ADCY2: variants seen among roughly 807,000 people sequenced by gnomAD.
The protein encoded by ADCY2 is adenylate cyclase type 2.
In ADCY2, 31 loss-of-function variants were observed where a neutral mutation model predicts 125.2. The observed-to-expected ratio is 0.25, with a 90% confidence interval of 0.19 to 0.33. The LOEUF (loss-of-function observed/expected upper bound fraction) is 0.33. ADCY2 is among the 10% of genes least tolerant of loss of function. The pLI is 1.00. For synonymous variants in ADCY2, 512 were observed against 548.4 expected (o/e 0.93, Z 0.93); for missense variants, 904 against 1,418.2 (o/e 0.64, Z 5.82).
chr5:7,763,098 A>AT (rs529281644), intron 16 of ADCY2, among the ~76,000 whole-genome samples: 1,894 of 143,188 alleles, frequency 0.013, 42 homozygotes, highest in African/African-American at 0.044. Context: ...TTTCTAATGT[A>AT]TTTTTTTTTT....
At chr5:7,708,053 C>A in intron 9 of ADCY2, 1 of 504,094 alleles carries the variant, frequency 2.0e-6, no homozygotes, top group Non-Finnish European at 3.4e-6. Flanking sequence ...TGCTTTTCTG[C>A]AGGGGTGTTG....
At chr5:7,586,879 T>A (rs557973131) in intron 3 of ADCY2, among the ~76,000 whole-genome samples, 1 of 152,324 alleles carries the variant, frequency 6.6e-6, no homozygotes, top group South Asian at 2.1e-4. Context: ...CACATCTTCG[T>A]CTATCTATCC....
chr5:7,402,398 T>C (rs894747270), intron 1 of ADCY2, among the ~76,000 whole-genome samples: 2 of 152,336 alleles, frequency 1.3e-5, no homozygotes, highest in African/African-American at 2.4e-5. Flanking sequence ...GAGAAGACTT[T>C]GTTTGTTCAA....
intron 4 of ADCY2, among the ~76,000 whole-genome samples, chr5:7,670,411 TA>T (rs1170523690): frequency 1.3e-5 from 2 of 152,362 alleles, no homozygotes; most frequent in African/African-American, 4.8e-5. Context: ...TTTGATCATT[TA>T]AAAAATGGTT....
intron 3 of ADCY2, among the ~76,000 whole-genome samples, chr5:7,618,933 T>C (rs1213900051): frequency 1.3e-5 from 2 of 152,188 alleles, no homozygotes; most frequent in Non-Finnish European, 2.9e-5. Flanking sequence ...CACTTAAAAA[T>C]GTGTCCTCCT....
At chr5:7,449,232 C>A (rs978863058) in intron 2 of ADCY2, among the ~76,000 whole-genome samples, 5 of 152,130 alleles carry the variant, frequency 3.3e-5, no homozygotes, top group Admixed American at 3.3e-4. Flanking sequence ...TGACTGCTAT[C>A]TTCTCAAGTT....
chr5:7,643,420 T>G (rs911443507), intron 4 of ADCY2, among the ~76,000 whole-genome samples: 1 of 152,102 alleles, frequency 6.6e-6, no homozygotes, highest in African/African-American at 2.4e-5. Flanking sequence ...CAAACTACAC[T>G]TTTTTGTTTT....
At chr5:7,711,512 G>C (rs765112712) in intron 10 of ADCY2, among the ~76,000 whole-genome samples, 1 of 152,046 alleles carries the variant, frequency 6.6e-6, no homozygotes, top group South Asian at 2.1e-4. Flanking sequence ...GTGTTCCTGT[G>C]GGGAAAAGGC....
intron 4 of ADCY2, among the ~76,000 whole-genome samples, chr5:7,671,473 T>G (rs1356350019): frequency 6.6e-6 from 1 of 152,134 alleles, no homozygotes; most frequent in Non-Finnish European, 1.5e-5. Context: ...CGGAGGAGGA[T>G]TTATGTTTAG....
intron 3 of ADCY2, among the ~76,000 whole-genome samples, chr5:7,561,566 T>A (rs922087721): frequency 1.1e-4 from 15 of 134,408 alleles, no homozygotes; most frequent in Middle Eastern, 3.2e-3. Context: ...AAATGTGAAC[T>A]TTTAGAATGT....
At chr5:7,538,845 T>TTTTTC (rs201341482) in intron 3 of ADCY2, among the ~76,000 whole-genome samples, 5 of 142,792 alleles carry the variant, frequency 3.5e-5, no homozygotes, top group African/African-American at 1.2e-4. Flanking sequence ...CTTTTTTCTT[T>TTTTTC]TTTTCTTTTC....
chr5:7,514,777 G>T lies in ADCY2; in HGVS notation c.409-5961G>T, dbSNP rs114048953. 5.4e-3 allele frequency among the ~76,000 whole-genome samples: 816 copies of T among 152,282 alleles called. 4 individuals are homozygous for T. Among genetic ancestry groups the T allele is most frequent in the African/African-American group, 0.019 (780 of 41,550 alleles). On this transcript the variant is annotated intron_variant, in intron 2 of 24. Coordinates refer to ENST00000338316, the MANE Select transcript of ADCY2 (RefSeq NM_020546.3). ...AGAGGCACAGACACATGGGAGCAAG[G>T]CCATGTAAGATGGCAGTGGAGTGAT...
At chr5:7,758,707 C>T (rs1341815111) in intron 16 of ADCY2, among the ~76,000 whole-genome samples, 1 of 79,972 alleles carries the variant, frequency 1.3e-5, no homozygotes, top group Non-Finnish European at 2.6e-5. Flanking sequence ...GTGAAGGCAG[C>T]AACAGAGGCA....
At chr5:7,771,493 C>A (rs1251310684) in intron 17 of ADCY2, among the ~76,000 whole-genome samples, 1 of 152,150 alleles carries the variant, frequency 6.6e-6, no homozygotes, top group African/African-American at 2.4e-5. Context: ...ATGTGTAATC[C>A]AGTGCGAGGT....
chr5:7,464,534 C>A (rs954240289), intron 2 of ADCY2, among the ~76,000 whole-genome samples: 1 of 152,138 alleles, frequency 6.6e-6, no homozygotes, highest in African/African-American at 2.4e-5. Flanking sequence ...AGTTTGAAGC[C>A]ACCTAGATTG....
intron 3 of ADCY2, chr5:7,522,487 G>A (rs984237485): frequency 1.3e-5 from 2 of 152,132 alleles, no homozygotes; most frequent in African/African-American, 4.8e-5. Context: ...AGCCTCTCCT[G>A]TGGGGCATTT....
intron 2 of ADCY2, among the ~76,000 whole-genome samples, chr5:7,501,077 G>A (rs72709167): frequency 0.17 from 26,282 of 150,358 alleles, 2,433 homozygotes; most frequent in African/African-American, 0.2. Context: ...ATGATTTTCA[G>A]CATCTTTTTT....
chr5:7,490,778 C>T (rs1238597002), intron 2 of ADCY2, among the ~76,000 whole-genome samples: 1 of 152,094 alleles, frequency 6.6e-6, no homozygotes, highest in Non-Finnish European at 1.5e-5. Context: ...GCCAAGCAAC[C>T]TTTCCAAAGA....
Position 7,772,843 on chromosome 5 carries a change from G to A in ADCY2, c.2215-89G>A, listed in dbSNP as rs1037376332. On this transcript the variant is annotated intron_variant, in intron 17 of 24. Transcript: ENST00000338316. Reference sequence around the variant, plus strand: ...CAGCCACCTTATATGTTGACCAGATGAGATGGGCGGTGGTCCCCTGATTGT... The same window carrying A: ...CAGCCACCTTATATGTTGACCAGATAAGATGGGCGGTGGTCCCCTGATTGT... The A allele has an allele frequency of 3.9e-6, 5 of 1,289,724 alleles. No individual in the cohort carries two copies. The East Asian group carries it at 1.2e-4, about 30-fold the overall frequency. 79.9% of individuals were successfully genotyped at this position (1,289,724 alleles called of 1,614,324 possible). A position where few individuals can be genotyped will look rare whatever the true frequency, so the allele number is the denominator to read the frequency against.
Sources: allele counts gnomAD v4.1 joint callset (sites outside exome capture counted in the v4.1 genomes callset), GRCh38; gene constraint gnomAD v4.1.1; transcripts MANE v1.5; gene names NCBI Gene and HGNC (gene_info 2026-07-23, HGNC 2026-07-21).